Variants in WNT9B observed in about 807,000 individuals in gnomAD.
WNT9B encodes protein Wnt-9b.
In WNT9B, 12 loss-of-function variants were observed where a neutral mutation model predicts 30.2. The ratio of observed to expected loss-of-function variants is 0.40; its 90% confidence interval spans 0.26 to 0.64. The LOEUF (loss-of-function observed/expected upper bound fraction) is 0.64, where lower values mean the gene tolerates loss of function less well. Among genes scored for constraint, WNT9B ranks in the 30% least tolerant of loss-of-function variants. WNT9B has a pLI of 0.42. For synonymous variants in WNT9B, 218 were observed against 216.9 expected, an observed-to-expected ratio of 1.01 and a Z score of -0.05; for missense variants, 442 against 485.2, an observed-to-expected ratio of 0.91 and a Z score of 0.84.
At position 46,880,073 on chromosome 17, in the gene WNT9B, C is replaced by T. The variant is rs1356948682; in HGVS notation, c.*3355C>T. ...TGGCTGCTTTTGCAAAAGTCAGCTG[C>T]GCTGGCAGACTGGGCCTGCATGTCC... is the stretch of plus-strand genomic sequence containing the variant. On this transcript the variant is annotated 3_prime_UTR_variant, in exon 4 of 4. Transcript: ENST00000290015. Among the ~76,000 whole-genome samples, 3 of 152,198 alleles carry T rather than the reference C, an allele frequency of 2.0e-5. No homozygotes were observed. Among genetic ancestry groups the T allele is most frequent in the Non-Finnish European group, 4.4e-5 (3 of 68,030 alleles).
chr17:46,849,469 T>G (rs982757520), upstream of WNT9B, among the ~76,000 whole-genome samples: 1 of 152,140 alleles, frequency 6.6e-6, no homozygotes, highest in Non-Finnish European at 1.5e-5. Context: ...TGGGGCCTGG[T>G]GGGGTCTGTC....
chr17:46,874,439 G>A (rs1046970010), intron 2 of WNT9B, among the ~76,000 whole-genome samples: 1 of 152,222 alleles, frequency 6.6e-6, no homozygotes, highest in African/African-American at 2.4e-5. Context: ...CCTACGCCAG[G>A]TGTCTGAGTA....
At chr17:46,836,062 G>A (rs902965016) in intron 1 of WNT9B, among the ~76,000 whole-genome samples, 2 of 150,038 alleles carry the variant, frequency 1.3e-5, no homozygotes, top group African/African-American at 4.9e-5. Context: ...CACCTGCTGG[G>A]GCTCCCAGGA....
At chr17:46,871,371 T>C (rs1239951096) in intron 1 of WNT9B, among the ~76,000 whole-genome samples, 1 of 152,300 alleles carries the variant, frequency 6.6e-6, no homozygotes, top group South Asian at 2.1e-4. Flanking sequence ...AGAGAGCTTC[T>C]GGGAAGAGGG....
At chr17:46,867,340 A>G (rs1189207486) in intron 1 of WNT9B, among the ~76,000 whole-genome samples, 2 of 152,270 alleles carry the variant, frequency 1.3e-5, no homozygotes, top group Non-Finnish European at 2.9e-5. Context: ...ACAACTAGGA[A>G]GAGGTGGAGG....
chr17:46,864,733 G>A (rs1407136278), intron 1 of WNT9B, among the ~76,000 whole-genome samples: 1 of 152,168 alleles, frequency 6.6e-6, no homozygotes, highest in Non-Finnish European at 1.5e-5. Flanking sequence ...CTTGGTGGAA[G>A]CAATCAAGAG....
chr17:46,854,624 T>C (rs992281130), intron 1 of WNT9B, among the ~76,000 whole-genome samples: 1 of 143,770 alleles, frequency 7.0e-6, no homozygotes, highest in African/African-American at 2.5e-5. Flanking sequence ...CTGTTAATGG[T>C]GATAAAAAAA....
At chr17:46,854,999 C>A (rs187033699) in intron 1 of WNT9B, among the ~76,000 whole-genome samples, 1 of 152,328 alleles carries the variant, frequency 6.6e-6, no homozygotes, top group African/African-American at 2.4e-5. Flanking sequence ...ATCTGATCCT[C>A]AGAGCCATTT....
At chr17:46,873,976 G>A (rs2085299503) in intron 2 of WNT9B, among the ~76,000 whole-genome samples, 1 of 147,038 alleles carries the variant, frequency 6.8e-6, no homozygotes, top group Admixed American at 6.8e-5. Context: ...GAGACAGAAT[G>A]AGACTCTGTC....
chr17:46,846,837 A>C (rs1598832391), upstream of WNT9B, among the ~76,000 whole-genome samples: 1 of 152,240 alleles, frequency 6.6e-6, no homozygotes, highest in African/African-American at 2.4e-5. Context: ...TGGAAGTGCC[A>C]TGGGGAGTGG....
chr17:46,876,164 G>C (rs2085341612), intron 3 of WNT9B, 81 bp from the exon 4 acceptor site: 5 of 1,336,996 alleles, frequency 3.7e-6, no homozygotes, highest in African/African-American at 2.9e-5. Flanking sequence ...CCTCTGCCCT[G>C]CTGGGGTTGG....
At chr17:46,854,594 A>G (rs934712068) in intron 1 of WNT9B, among the ~76,000 whole-genome samples, 2 of 152,100 alleles carry the variant, frequency 1.3e-5, no homozygotes, top group Non-Finnish European at 2.9e-5. Flanking sequence ...GCTGCTTTTG[A>G]GTGAGCCTAG....
chr17:46,867,608 C>T (rs921242948), intron 1 of WNT9B, among the ~76,000 whole-genome samples: 3 of 152,182 alleles, frequency 2.0e-5, no homozygotes, highest in African/African-American at 7.2e-5. Flanking sequence ...AGAGCAGTCT[C>T]CTGGGAGGCT....
chr17:46,847,967 A>AGTGC (rs1555694099), upstream of WNT9B, among the ~76,000 whole-genome samples: 8 of 149,582 alleles, frequency 5.3e-5, no homozygotes, highest in African/African-American at 1.7e-4. Context: ...TGATTTCCAA[A>AGTGC]GTGTGTGTGT....
chr17:46,875,852 G>T (rs1440367141), intron 3 of WNT9B, among the ~76,000 whole-genome samples: 1 of 152,200 alleles, frequency 6.6e-6, no homozygotes, highest in Non-Finnish European at 1.5e-5. Flanking sequence ...AAAGTATCTT[G>T]GTCTATTGAG....
At chr17:46,872,408 G>A (rs1382332722) in intron 1 of WNT9B, 109 bp from the exon 2 acceptor site, 2 of 1,365,654 alleles carry the variant, frequency 1.5e-6, no homozygotes, top group Non-Finnish European at 1.9e-6. Context: ...GGGTCAGCCT[G>A]CTGCCCAGAA....
intron 1 of WNT9B, among the ~76,000 whole-genome samples, chr17:46,842,821 G>C (rs1161352388): frequency 6.6e-6 from 1 of 152,216 alleles, no homozygotes; most frequent in African/African-American, 2.4e-5. Context: ...GAGAAAATCA[G>C]ACAGTGCACC....
chr17:46,841,459 G>C (rs898821919), intron 1 of WNT9B, among the ~76,000 whole-genome samples: 3 of 152,268 alleles, frequency 2.0e-5, no homozygotes, highest in Admixed American at 2.0e-4. Context: ...CTCTGGGCGG[G>C]AGGGTGGAGA....
intron 1 of WNT9B, among the ~76,000 whole-genome samples, chr17:46,865,391 C>G (rs770494269): frequency 6.6e-5 from 10 of 152,050 alleles, no homozygotes; most frequent in Non-Finnish European, 7.4e-5. Flanking sequence ...GGACCCGGCT[C>G]TTTCCTCTCT....
Sources: allele counts gnomAD v4.1 joint callset (sites outside exome capture counted in the v4.1 genomes callset), GRCh38; gene constraint gnomAD v4.1.1; transcripts MANE v1.5; gene names NCBI Gene and HGNC (gene_info 2026-07-23, HGNC 2026-07-21).